PCDHGA9: variants seen among roughly 807,000 people sequenced by gnomAD.
PCDHGA9 encodes the protein protocadherin gamma-A9.
In PCDHGA9, 37 loss-of-function variants were observed where a neutral mutation model predicts 62.5. That is an observed-to-expected ratio of 0.59 (90% CI 0.46 to 0.78). The LOEUF is 0.78. Among genes scored for constraint, PCDHGA9 ranks in the 30% least tolerant of loss-of-function variants. The pLI is 0.00. For missense variants in PCDHGA9, 1,138 were observed against 1,166.2 expected (o/e 0.98, Z 0.35); for synonymous variants, 459 against 484.6 (o/e 0.95, Z 0.69).
intron 2 of PCDHGA9, among the ~76,000 whole-genome samples, chr5:141,500,614 C>T (rs1300242596): frequency 1.3e-5 from 2 of 152,204 alleles, no homozygotes; most frequent in African/African-American, 4.8e-5. Context: ...TATTCCCAGT[C>T]ATACGGTACA....
chr5:141,421,130 A>G, intron 1 of PCDHGA9: 1 of 827,800 alleles, frequency 1.2e-6, no homozygotes, highest in South Asian at 1.8e-5. Context: ...GCTTTCTGAT[A>G]TATTTTGGAT....
At chr5:141,427,371 G>A (rs772247790) in intron 1 of PCDHGA9, 3 of 458,018 alleles carry the variant, frequency 6.5e-6, no homozygotes, top group East Asian at 6.9e-5. Context: ...ACCCTGGACG[G>A]TGATCACTCT....
intron 2 of PCDHGA9, among the ~76,000 whole-genome samples, chr5:141,500,739 C>T (rs1199462920): frequency 6.6e-6 from 1 of 152,114 alleles, no homozygotes; most frequent in Non-Finnish European, 1.5e-5. Context: ...CAAAATTCTT[C>T]CCAAGTCATT....
In PCDHGA9 at chr5:141,404,978, G is replaced by T. The variant is rs373968137; in HGVS notation, c.2026G>T (p.Gly676Cys). 1.2e-6 allele frequency: 2 copies of T among 1,613,976 alleles called. No homozygotes were observed. Among genetic ancestry groups the T allele is most frequent in the Non-Finnish European group, 8.5e-7 (1 of 1,179,886 alleles). Residue 676 changes from glycine (G) to cysteine (C), a missense_variant, in exon 1 of 4, where the codon GGC becomes TGC. Transcript: ENST00000573521. ...DSIPDILADL[G>C]SLQIPADLEA... The stretch of plus-strand genomic sequence containing the variant: ...CATCCCAGACATCCTGGCTGACCTG[G>T]GCAGTCTTCAGATCCCTGCAGACCT...
chr5:141,474,291 AGT>A (rs1191263215), intron 1 of PCDHGA9, among the ~76,000 whole-genome samples: 1 of 152,210 alleles, frequency 6.6e-6, no homozygotes, highest in Admixed American at 6.5e-5. Flanking sequence ...CCACTAGATC[AGT>A]GCTTGTCAAA....
At chr5:141,495,213 C>T (rs568314100) in intron 2 of PCDHGA9, among the ~76,000 whole-genome samples, 1 of 152,326 alleles carries the variant, frequency 6.6e-6, no homozygotes, top group South Asian at 2.1e-4. Flanking sequence ...AACCCCCTCC[C>T]CTGAGTTGAG....
intron 1 of PCDHGA9, chr5:141,440,987 A>C (rs2098217413): frequency 6.6e-6 from 1 of 152,278 alleles, no homozygotes; most frequent in African/African-American, 2.4e-5. Flanking sequence ...AACCCAGAGT[A>C]CCCATATCTA....
At chr5:141,443,113 T>C (rs2098364390) in intron 1 of PCDHGA9, among the ~76,000 whole-genome samples, 1 of 152,040 alleles carries the variant, frequency 6.6e-6, no homozygotes, top group African/African-American at 2.4e-5. Flanking sequence ...ACCTTGCTTT[T>C]CAAACCAGAT....
At chr5:141,422,891 A>G in intron 1 of PCDHGA9, 3 of 1,614,192 alleles carry the variant, frequency 1.9e-6, no homozygotes, top group Non-Finnish European at 2.5e-6. Context: ...TTCGTGCTGG[A>G]CCAGAACGAC....
intron 1 of PCDHGA9, chr5:141,421,223 C>T: frequency 6.3e-7 from 1 of 1,580,314 alleles, no homozygotes. Context: ...GGCTTAGAGC[C>T]TGCCATGGCG....
intron 1 of PCDHGA9, chr5:141,410,011 G>T (rs2095347816): frequency 6.2e-7 from 1 of 1,613,184 alleles, no homozygotes; most frequent in South Asian, 1.1e-5. Context: ...ACAACGCCTG[G>T]CTGTCCTACC....
chr5:141,463,927 A>G (rs1454864391), intron 1 of PCDHGA9, among the ~76,000 whole-genome samples: 1 of 152,206 alleles, frequency 6.6e-6, no homozygotes, highest in Non-Finnish European at 1.5e-5. Flanking sequence ...AAATCATTCT[A>G]TATAAATTTA....
At chr5:141,427,958 G>A (rs1266312663) in intron 1 of PCDHGA9, 3 of 1,588,290 alleles carry the variant, frequency 1.9e-6, no homozygotes, top group Admixed American at 1.7e-5. Context: ...ACAATGTGCC[G>A]CGGGTGCTGT....
intron 2 of PCDHGA9, among the ~76,000 whole-genome samples, chr5:141,500,904 C>T (rs2099803610): frequency 6.6e-6 from 1 of 151,662 alleles, no homozygotes; most frequent in Non-Finnish European, 1.5e-5. Context: ...CAGTCTCGCT[C>T]TGTCTCCAGG....
chr5:141,438,619 TATATATATATATATATACAC>T (rs1310378007), intron 1 of PCDHGA9, among the ~76,000 whole-genome samples: 16 of 39,678 alleles, frequency 4.0e-4, no homozygotes, highest in African/African-American at 1.2e-3. Flanking sequence ...TATATATATA[TATATATATATATATATACAC>T]ACACACACAC....
chr5:141,427,703 C>A (rs529490424), intron 1 of PCDHGA9: 2 of 957,514 alleles, frequency 2.1e-6, no homozygotes, highest in African/African-American at 1.6e-5. Flanking sequence ...CACAAGTCAG[C>A]GCCTCTGACC....
intron 1 of PCDHGA9, chr5:141,478,272 A>G: frequency 6.2e-7 from 1 of 1,614,160 alleles, no homozygotes; most frequent in Non-Finnish European, 8.5e-7. Context: ...AAAGTTTACA[A>G]GTGGAAGCAG....
intron 2 of PCDHGA9, among the ~76,000 whole-genome samples, chr5:141,497,540 CT>C (rs754207034): frequency 0.18 from 24,498 of 134,808 alleles, 2,020 homozygotes; most frequent in African/African-American, 0.21. Flanking sequence ...TGCAACAAAC[CT>C]TTTTTTTTTT....
At chr5:141,425,918 CG>C (rs2096903264) in intron 1 of PCDHGA9, among the ~76,000 whole-genome samples, 1 of 152,200 alleles carries the variant, frequency 6.6e-6, no homozygotes, top group Admixed American at 6.5e-5. Context: ...ACAGTCACTA[CG>C]AAAACTCATA....
Sources: allele counts gnomAD v4.1 joint callset (sites outside exome capture counted in the v4.1 genomes callset), GRCh38; gene constraint gnomAD v4.1.1; transcripts MANE v1.5; gene names NCBI Gene and HGNC (gene_info 2026-07-23, HGNC 2026-07-21).